The following ARSG variants were observed in gnomAD, a reference collection of about 807,000 sequenced individuals.
The protein encoded by ARSG is arylsulfatase G.
ARSG carries 37 observed loss-of-function variants against 50.5 expected under a neutral mutation model. The ratio of observed to expected loss-of-function variants is 0.73; its 90% CI spans 0.56 to 0.96. The LOEUF (loss-of-function observed/expected upper bound fraction) is 0.96. Ranked by LOEUF, ARSG falls within the 50% of genes least tolerant of loss-of-function variation. ARSG has a pLI of 0.00. For missense variants in ARSG, 629 were observed against 675.3 expected, an observed-to-expected ratio of 0.93 and a Z score of 0.76; for synonymous variants, 225 against 254.6, an observed-to-expected ratio of 0.88 and a Z score of 1.11.
chr17:68,303,733 A>G (rs1264154558), intron 1 of ARSG, among the ~76,000 whole-genome samples: 1 of 152,224 alleles, frequency 6.6e-6, no homozygotes, highest in Admixed American at 6.5e-5. Flanking sequence ...TACAGGCATG[A>G]GCCACCGCAC....
At chr17:68,444,537 A>G in the ARSG span, 1 of 1,614,138 alleles carries the variant, frequency 6.2e-7, no homozygotes, top group Non-Finnish European at 8.5e-7. Context: ...CAACAGCTTC[A>G]TGTCTTTAAT....
intron 1 of ARSG, among the ~76,000 whole-genome samples, chr17:68,293,891 C>G (rs2076111663): frequency 6.6e-6 from 1 of 152,174 alleles, no homozygotes; most frequent in African/African-American, 2.4e-5. Context: ...TTTGCCCACC[C>G]TAGTTAGAGG....
intron 9 of ARSG, among the ~76,000 whole-genome samples, chr17:68,386,704 GA>G (rs1350991242): frequency 6.6e-6 from 1 of 152,174 alleles, no homozygotes; most frequent in Non-Finnish European, 1.5e-5. Context: ...TGCTTATCAA[GA>G]GGGGCCAAGT....
intron 6 of ARSG, among the ~76,000 whole-genome samples, chr17:68,357,859 G>T (rs578194427): frequency 6.6e-5 from 10 of 152,260 alleles, no homozygotes; most frequent in African/African-American, 2.4e-4. Flanking sequence ...ACAGAGATAG[G>T]ATACCTGGCT....
the ARSG span, among the ~76,000 whole-genome samples, chr17:68,441,739 C>T: frequency 2.6e-5 from 4 of 152,180 alleles, no homozygotes; most frequent in South Asian, 2.1e-4. Context: ...TAACGCTCTC[C>T]GTGGCAACTC....
At chr17:68,446,998 C>T in the ARSG span, among the ~76,000 whole-genome samples, 19 of 152,208 alleles carry the variant, frequency 1.2e-4, no homozygotes, top group Non-Finnish European at 2.5e-4. Flanking sequence ...CTGCTGATTG[C>T]TTTTTTAACT....
chr17:68,315,979 G>A (rs893593868), intron 2 of ARSG, among the ~76,000 whole-genome samples: 1 of 152,118 alleles, frequency 6.6e-6, no homozygotes, highest in South Asian at 2.1e-4. Context: ...TGCAACCATC[G>A]TTCAGGAGGC....
intron 2 of ARSG, among the ~76,000 whole-genome samples, chr17:68,325,996 A>T (rs1414011822): frequency 6.6e-6 from 1 of 152,170 alleles, no homozygotes; most frequent in Non-Finnish European, 1.5e-5. Context: ...AGGTCTCACC[A>T]GGTAGAGTGC....
chr17:68,421,799 G>C, downstream of ARSG: 1 of 1,614,180 alleles, frequency 6.2e-7, no homozygotes, highest in Non-Finnish European at 8.5e-7. Context: ...TTGCCCTTCT[G>C]ATTTCCACGG....
chr17:68,301,079 C>G (rs2145460831), intron 1 of ARSG, among the ~76,000 whole-genome samples: 1 of 151,170 alleles, frequency 6.6e-6, no homozygotes, highest in East Asian at 2.0e-4. Context: ...GATCGCACCA[C>G]TGCACTCCAG....
At chr17:68,410,823 G>T (rs2081965989) in intron 11 of ARSG, among the ~76,000 whole-genome samples, 1 of 152,156 alleles carries the variant, frequency 6.6e-6, no homozygotes, top group African/African-American at 2.4e-5. Flanking sequence ...TCTATTCAGA[G>T]ATTCAGCTTC....
At chr17:68,415,126 T>G (rs2147466923) in intron 11 of ARSG, among the ~76,000 whole-genome samples, 1 of 152,318 alleles carries the variant, frequency 6.6e-6, no homozygotes, top group Admixed American at 6.5e-5. Context: ...AATGTCAGTT[T>G]GTGCTCTTTC....
chr17:68,300,855 TAAAA>T (rs1200195007), intron 1 of ARSG, among the ~76,000 whole-genome samples: 1 of 139,638 alleles, frequency 7.2e-6, no homozygotes, highest in Non-Finnish European at 1.6e-5. Flanking sequence ...CTCCAAGCTT[TAAAA>T]AAAAAAAAAG....
the ARSG span, chr17:68,433,432 G>A: frequency 3.0e-5 from 47 of 1,584,104 alleles, no homozygotes; most frequent in South Asian, 1.2e-4. Flanking sequence ...GACTCCTTTC[G>A]TTTAATGAGC....
intron 1 of ARSG, among the ~76,000 whole-genome samples, chr17:68,291,970 T>C (rs1475378159): frequency 6.6e-6 from 1 of 151,668 alleles, no homozygotes; most frequent in Non-Finnish European, 1.5e-5. Context: ...CCAGTTTGGG[T>C]GTGAGCTGCG....
chr17:68,335,729 G>T (rs757631883), intron 2 of ARSG, among the ~76,000 whole-genome samples: 1 of 152,174 alleles, frequency 6.6e-6, no homozygotes, highest in Admixed American at 6.5e-5. Flanking sequence ...AGACAGCTGG[G>T]ATTTGCCAAT....
chr17:68,432,807 C>T, the ARSG span, among the ~76,000 whole-genome samples: 1 of 152,166 alleles, frequency 6.6e-6, no homozygotes, highest in African/African-American at 2.4e-5. Context: ...AATCCTTGCC[C>T]CCCACCGTGG....
At chr17:68,374,955 G>T (rs189864414) in intron 8 of ARSG, among the ~76,000 whole-genome samples, 1 of 151,830 alleles carries the variant, frequency 6.6e-6, no homozygotes, top group Admixed American at 6.6e-5. Context: ...GTAAGCATTC[G>T]TTGAGTGCCT....
At chr17:68,429,984 C>G in the ARSG span, 11 of 1,613,806 alleles carry the variant, frequency 6.8e-6, no homozygotes, top group Non-Finnish European at 8.5e-6. Context: ...GAGTGGGTGT[C>G]ATTGTACGTA....
Sources: allele counts gnomAD v4.1 joint callset (sites outside exome capture counted in the v4.1 genomes callset), GRCh38; gene constraint gnomAD v4.1.1; transcripts MANE v1.5; gene names NCBI Gene and HGNC (gene_info 2026-07-23, HGNC 2026-07-21).